FBRSL1: variants seen among roughly 807,000 people sequenced by gnomAD.
FBRSL1 encodes fibrosin-1-like protein.
FBRSL1 carries 51 observed loss-of-function variants against 89.6 expected under a neutral mutation model. That is an observed-to-expected ratio of 0.57 (90% CI 0.45 to 0.72). The LOEUF is 0.72. Among genes scored for constraint, FBRSL1 ranks in the 30% least tolerant of loss-of-function variants. The probability of loss-of-function intolerance (pLI) is 0.00; values close to 1 mark genes in which losing one functional copy is unlikely to be tolerated. For synonymous variants in FBRSL1, 779 were observed against 681.1 expected, an observed-to-expected ratio of 1.14 and a Z score of -2.24; for missense variants, 1,618 against 1,451.8, an observed-to-expected ratio of 1.11 and a Z score of -1.86.
At chr12:132,520,358 CT>C (rs747841873) in intron 2 of FBRSL1, among the ~76,000 whole-genome samples, 12 of 152,170 alleles carry the variant, frequency 7.9e-5, no homozygotes, top group Admixed American at 5.2e-4. Context: ...CCATCTCTTT[CT>C]TTGCAGATGG....
At chr12:132,512,900 A>G (rs764553568) in intron 2 of FBRSL1, among the ~76,000 whole-genome samples, 4 of 152,170 alleles carry the variant, frequency 2.6e-5, no homozygotes, top group Non-Finnish European at 5.9e-5. Context: ...AGGCCTGGCC[A>G]TGACCCTGCA....
intron 5 of FBRSL1, chr12:132,554,890 T>A (rs1411065982): frequency 6.6e-6 from 1 of 152,256 alleles, no homozygotes; most frequent in African/African-American, 2.4e-5. Context: ...GAGGCTGCAG[T>A]GAGCTGAGAT....
At chr12:132,582,947 A>G in intron 18 of FBRSL1, 24 bp from the exon 19 acceptor site, 1 of 1,380,082 alleles carries the variant, frequency 7.2e-7, no homozygotes, top group Admixed American at 3.7e-5. Context: ...CTCGGGAGTG[A>G]CGGGTCCGCC....
intron 2 of FBRSL1, among the ~76,000 whole-genome samples, chr12:132,518,460 C>A (rs554255612): frequency 6.6e-6 from 1 of 151,940 alleles, no homozygotes; most frequent in East Asian, 1.9e-4. Flanking sequence ...TCCATCCATC[C>A]ACCCGTCTGT....
At chr12:132,560,819 C>A (rs917275050) in intron 5 of FBRSL1, among the ~76,000 whole-genome samples, 2 of 152,258 alleles carry the variant, frequency 1.3e-5, no homozygotes, top group Admixed American at 1.3e-4. Context: ...TCCTCTACCC[C>A]ACGCGGGCTA....
At chr12:132,525,699 G>T in intron 2 of FBRSL1, 35 bp from the exon 3 acceptor site, 2 of 1,512,318 alleles carry the variant, frequency 1.3e-6, no homozygotes, top group Non-Finnish European at 9.0e-7. Flanking sequence ...GGTGAGGTGG[G>T]GGTTTGCCTG....
At chr12:132,563,797 C>T (rs149539065) in intron 5 of FBRSL1, among the ~76,000 whole-genome samples, 2,354 of 53,050 alleles carry the variant, frequency 0.044, 25 homozygotes, top group Non-Finnish European at 0.056. Context: ...GTACACTCAC[C>T]CCCGTCGCCC....
Position 132,571,148 on chromosome 12 carries a change from C to T in FBRSL1, c.1294C>T (p.Gln432Ter). The T allele has an allele frequency of 7.2e-7, 1 of 1,398,500 alleles. No individual in the cohort carries two copies. The allele number at this position is 1,398,500 out of a possible 1,614,324, so 86.6% of individuals were successfully genotyped here. The change falls in exon 9 of 19, where the codon CAG becomes TAG. Residue 432 changes from glutamine (Q) to a stop codon, truncating the protein, a stop_gained. Transcript: ENST00000680143. LOFTEE classifies it high-confidence loss of function. ...HSGILIGTWSQAPLLPAPLGP... is the reference protein window; with the variant it reads ...HSGILIGTWS ...GGGAATTCTGATTGGTACTTGGTCA[C>T]AGGCTCCTCTCTTACCTGCACCCCT...
At chr12:132,522,131 C>A (rs2035414165) in intron 2 of FBRSL1, among the ~76,000 whole-genome samples, 1 of 152,124 alleles carries the variant, frequency 6.6e-6, no homozygotes, top group Admixed American at 6.5e-5. Flanking sequence ...GCCTGCGGGT[C>A]TCCGTGCACC....
intron 1 of FBRSL1, among the ~76,000 whole-genome samples, chr12:132,501,587 A>T (rs1234246939): frequency 1.3e-5 from 2 of 152,182 alleles, no homozygotes; most frequent in East Asian, 3.9e-4. Context: ...GGCCATGGAA[A>T]TGAAGCCTGA....
At chr12:132,525,673 GC>G in intron 2 of FBRSL1, 60 bp from the exon 3 acceptor site, 1 of 1,403,586 alleles carries the variant, frequency 7.1e-7, no homozygotes, top group Non-Finnish European at 9.8e-7. Context: ...TAGCCAGGGG[GC>G]CCCGATGCGG....
At chr12:132,507,179 C>G (rs1307928508) in intron 1 of FBRSL1, 2 of 985,566 alleles carry the variant, frequency 2.0e-6, no homozygotes, top group East Asian at 2.3e-4. Context: ...TCCCCAGTGG[C>G]TTCCCAGGGT....
At chr12:132,521,243 C>T (rs917568503) in intron 2 of FBRSL1, among the ~76,000 whole-genome samples, 3 of 152,228 alleles carry the variant, frequency 2.0e-5, no homozygotes, top group African/African-American at 7.2e-5. Context: ...GAGGAGGGAG[C>T]GCAGGCTGTG....
chr12:132,521,558 A>G (rs1025633807), intron 2 of FBRSL1, among the ~76,000 whole-genome samples: 2 of 152,164 alleles, frequency 1.3e-5, no homozygotes, highest in African/African-American at 4.8e-5. Context: ...CCAGGCCTGC[A>G]GGTGCAGAGG....
At chr12:132,564,931 C>T (rs1011693396) in intron 5 of FBRSL1, 2 of 152,122 alleles carry the variant, frequency 1.3e-5, no homozygotes, top group African/African-American at 4.8e-5. Context: ...CGGCCGCCCT[C>T]CTAGGTTTTA....
At chr12:132,560,669 C>T (rs1300088413) in intron 5 of FBRSL1, among the ~76,000 whole-genome samples, 1 of 152,146 alleles carries the variant, frequency 6.6e-6, no homozygotes, top group African/African-American at 2.4e-5. Context: ...GCAGACAAAG[C>T]GCGCCCTGAC....
At chr12:132,520,513 G>A (rs996621294) in intron 2 of FBRSL1, among the ~76,000 whole-genome samples, 1 of 152,214 alleles carries the variant, frequency 6.6e-6, no homozygotes, top group African/African-American at 2.4e-5. Context: ...GCCCGAGGGT[G>A]GGGACAACAG....
chr12:132,572,189 C>A, intron 9 of FBRSL1, 99 bp from the exon 10 acceptor site: 1 of 1,119,786 alleles, frequency 8.9e-7, no homozygotes, highest in Non-Finnish European at 1.3e-6. Context: ...AAGCACAACG[C>A]CGTCCTGTCA....
chr12:132,564,005 T>TC (rs2039381263), intron 5 of FBRSL1, among the ~76,000 whole-genome samples: 1 of 146,668 alleles, frequency 6.8e-6, no homozygotes, highest in South Asian at 2.2e-4. Context: ...CCTGCACCCC[T>TC]CGGCTGCTGT....
Sources: gnomAD v4.1 joint callset for allele counts (sites outside exome capture counted in the v4.1 genomes callset) on GRCh38, gnomAD v4.1.1 for gene constraint, MANE v1.5 for transcripts, NCBI Gene and HGNC (gene_info 2026-07-23, HGNC 2026-07-21) for gene names.